RBM26: variants seen among roughly 807,000 people sequenced by gnomAD.
RBM26 encodes RNA binding motif protein 26.
A neutral mutation model predicts 123.6 loss-of-function variants in RBM26; 30 were observed. The ratio of observed to expected loss-of-function variants is 0.24; its 90% CI spans 0.18 to 0.33. RBM26 has a LOEUF of 0.33. RBM26 is among the 10% of genes least tolerant of loss of function. The pLI is 1.00. For missense variants in RBM26, 947 were observed against 1,203.6 expected, an observed-to-expected ratio of 0.79 and a Z score of 3.15; for synonymous variants, 400 against 404.4, an observed-to-expected ratio of 0.99 and a Z score of 0.13.
chr13:79,391,459 T>G (rs757916496), intron 1 of RBM26, among the ~76,000 whole-genome samples: 1 of 152,240 alleles, frequency 6.6e-6, no homozygotes, highest in African/African-American at 2.4e-5. Context: ...AGTCTTGTTC[T>G]GTAGCTCAGG....
At chr13:79,337,058 A>G (rs2070534119) in intron 19 of RBM26, 44 bp downstream of exon 19, 4 of 1,551,954 alleles carry the variant, frequency 2.6e-6, no homozygotes, top group African/African-American at 2.7e-5. Flanking sequence ...ACTATCCCCA[A>G]TGATGATTAT....
At position 79,405,925 on chromosome 13, in the gene RBM26, G is replaced by A. The variant is rs1313321518; in HGVS notation, c.-151C>T. 8.2e-6 allele frequency: 3 copies of A among 365,720 alleles called. No homozygotes were observed. Among genetic ancestry groups the A allele is most frequent in the Non-Finnish European group, 9.5e-6 (2 of 209,848 alleles). The allele number at this position is 365,720 out of a possible 1,614,324, so 22.7% of individuals were successfully genotyped here. On this transcript the variant is annotated 5_prime_UTR_variant, in exon 1 of 22. Transcript: ENST00000438737. ...CAGGTTCCCGCGGGCCCCGGTCGGC[G>A]AACAGCTCTGCAAGGACCGCCGCAG...
At chr13:79,387,814 G>A (rs552171300) in intron 1 of RBM26, among the ~76,000 whole-genome samples, 1 of 152,166 alleles carries the variant, frequency 6.6e-6, no homozygotes, top group African/African-American at 2.4e-5. Flanking sequence ...CCCTTAGAAG[G>A]CATAAATAAA....
At chr13:79,379,010 A>T (rs1481617964) in intron 1 of RBM26, 103 bp from the exon 2 acceptor site, 1 of 732,528 alleles carries the variant, frequency 1.4e-6, no homozygotes, top group African/African-American at 1.8e-5. Flanking sequence ...GTGAGTTAAT[A>T]CATGTAAAAA....
At chr13:79,354,141 G>A (rs1052571523) in intron 13 of RBM26, among the ~76,000 whole-genome samples, 15 of 151,910 alleles carry the variant, frequency 9.9e-5, no homozygotes, top group African/African-American at 3.4e-4. Context: ...TTCACTCTTC[G>A]GGCAGTTTTG....
intron 1 of RBM26, among the ~76,000 whole-genome samples, chr13:79,379,265 G>C (rs144174070): frequency 2.7e-5 from 4 of 149,894 alleles, no homozygotes; most frequent in Non-Finnish European, 4.4e-5. Context: ...CAGGCACAGT[G>C]AATCAGTCCT....
intron 9 of RBM26, among the ~76,000 whole-genome samples, chr13:79,363,817 A>G (rs757119273): frequency 7.2e-5 from 11 of 152,194 alleles, no homozygotes; most frequent in Non-Finnish European, 1.5e-4. Context: ...GACCTGTAGT[A>G]GCATGTATTT....
At chr13:79,372,708 AATAT>A (rs1302870893) in intron 3 of RBM26, among the ~76,000 whole-genome samples, 9 of 134,718 alleles carry the variant, frequency 6.7e-5, no homozygotes, top group African/African-American at 2.8e-4. Context: ...TATATATATA[AATAT>A]ATATTTACAT....
In RBM26 at chr13:79,320,384, C is replaced by T. The variant is rs1326792862; in HGVS notation, c.*237G>A. 2 of 1,129,854 alleles carry T rather than the reference C, an allele frequency of 1.8e-6. No homozygotes were observed. The highest frequency in any genetic ancestry group is 4.6e-5 in the East Asian group (1 of 21,532). 70.0% of individuals were successfully genotyped at this position (1,129,854 alleles called of 1,614,324 possible). A position where few individuals can be genotyped will look rare whatever the true frequency, so the allele number is the denominator to read the frequency against. ...GTCCAGTAGAAGTATGTAATAAAAA[C>T]ATTGCATATGTTTCTAGTGTGATGT... On this transcript the variant is annotated 3_prime_UTR_variant, in exon 22 of 22. Transcript: ENST00000438737.
intron 1 of RBM26, among the ~76,000 whole-genome samples, chr13:79,393,494 G>C (rs563535908): frequency 6.6e-6 from 1 of 152,294 alleles, no homozygotes; most frequent in Non-Finnish European, 1.5e-5. Context: ...AAGTGAGGTT[G>C]CTGCAGATCC....
In RBM26 at chr13:79,386,698, T is replaced by C. The variant is rs572113551; in HGVS notation, c.72-7791A>G. Among the ~76,000 whole-genome samples, 3 of 150,694 alleles carry C rather than the reference T, an allele frequency of 2.0e-5. No homozygotes were observed. In the East Asian group the frequency reaches 5.9e-4, roughly 30 times the overall value. On this transcript the variant is annotated intron_variant, in intron 1 of 21. Transcript: ENST00000438737. ...ATTCCTATTCATAGTTGAGGAAGAATTGAGTTATCTGAGAAAAGACTGGTT... is the reference window on the plus strand; with the variant it reads ...ATTCCTATTCATAGTTGAGGAAGAACTGAGTTATCTGAGAAAAGACTGGTT...
chr13:79,359,668 CT>C lies in RBM26; in HGVS notation c.1435del (p.Ser479AlafsTer3). 6.4e-7 allele frequency: 1 copy of C among 1,557,980 alleles called. No homozygotes were observed. The highest frequency in any genetic ancestry group is 8.6e-7 in the Non-Finnish European group (1 of 1,156,384). ...TGAGTCCACTACTATCCTCATACTG[CT>C]TTTATTGGGAGGCTTTTCTGTTTTA... is the stretch of plus-strand genomic sequence containing the variant. ...LPPREKPPNK[S>X]SMRIVVDSES... is the part of the protein sequence containing the mutation. On this transcript the variant is annotated frameshift_variant, in exon 10 of 22. Coordinates refer to ENST00000438737, the MANE Select transcript of RBM26 (RefSeq NM_001366735.2). LOFTEE classifies it high-confidence loss of function.
intron 1 of RBM26, among the ~76,000 whole-genome samples, chr13:79,391,316 G>A (rs1048553444): frequency 6.6e-6 from 1 of 152,212 alleles, no homozygotes; most frequent in African/African-American, 2.4e-5. Context: ...ATCACTGGCA[G>A]TAACTTCATC....
At chr13:79,357,209 C>G (rs184907190) in intron 11 of RBM26, among the ~76,000 whole-genome samples, 4 of 152,042 alleles carry the variant, frequency 2.6e-5, no homozygotes, top group Non-Finnish European at 5.9e-5. Flanking sequence ...CTCTGTTGCC[C>G]TACCTGAATC....
intron 20 of RBM26, among the ~76,000 whole-genome samples, chr13:79,329,774 G>C (rs1241049256): frequency 1.3e-5 from 2 of 152,068 alleles, no homozygotes; most frequent in Non-Finnish European, 2.9e-5. Context: ...AAATTTACAA[G>C]AAATTAGACA....
chr13:79,393,633 C>CA (rs2078292560), intron 1 of RBM26, among the ~76,000 whole-genome samples: 1 of 152,160 alleles, frequency 6.6e-6, no homozygotes, highest in Non-Finnish European at 1.5e-5. Flanking sequence ...TTTCTTCTCC[C>CA]ATTCGCTGTC....
At chr13:79,349,571 T>G (rs1299921827) in intron 14 of RBM26, among the ~76,000 whole-genome samples, 1 of 151,502 alleles carries the variant, frequency 6.6e-6, no homozygotes, top group Admixed American at 6.6e-5. Flanking sequence ...GCTAATACAC[T>G]CAAATAAATT....
chr13:79,405,625 T>G (rs2079468166), intron 1 of RBM26, 79 bp downstream of exon 1: 2 of 1,006,698 alleles, frequency 2.0e-6, no homozygotes, highest in African/African-American at 3.3e-5. Flanking sequence ...CCGCAGGCAC[T>G]TGGGGAAACT....
intron 9 of RBM26, among the ~76,000 whole-genome samples, chr13:79,364,216 T>G (rs1261724907): frequency 6.6e-6 from 1 of 152,176 alleles, no homozygotes; most frequent in East Asian, 1.9e-4. Context: ...TGTTGTCCTA[T>G]GATCTAAAAG....
Sources: gnomAD v4.1 joint callset for allele counts (sites outside exome capture counted in the v4.1 genomes callset) on GRCh38, gnomAD v4.1.1 for gene constraint, MANE v1.5 for transcripts, NCBI Gene and HGNC (gene_info 2026-07-23, HGNC 2026-07-21) for gene names.